Variants in CDK14 observed in about 807,000 individuals in gnomAD.
CDK14 encodes cyclin-dependent kinase 14.
Under a neutral mutation model 60.7 loss-of-function variants are expected in CDK14, and 34 were observed. The observed-to-expected ratio is 0.56, with a 90% CI of 0.43 to 0.75. The LOEUF (loss-of-function observed/expected upper bound fraction) is 0.75, where lower values mean the gene tolerates loss of function less well. Among genes scored for constraint, CDK14 ranks in the 30% least tolerant of loss-of-function variants. The pLI, the probability that CDK14 is intolerant of heterozygous loss-of-function variation, is 0.00. For missense variants in CDK14, 482 were observed against 564.1 expected (o/e 0.85, Z 1.47); for synonymous variants, 197 against 203.7 (o/e 0.97, Z 0.28).
intron 10 of CDK14, among the ~76,000 whole-genome samples, chr7:91,012,119 C>T (rs1437330119): frequency 1.3e-5 from 2 of 152,098 alleles, no homozygotes; most frequent in East Asian, 3.9e-4. Context: ...TTTGGTCTTG[C>T]TTTTAGACTT....
chr7:90,916,950 T>A (rs1793101182), intron 7 of CDK14, among the ~76,000 whole-genome samples: 1 of 152,230 alleles, frequency 6.6e-6, no homozygotes, highest in South Asian at 2.1e-4. Flanking sequence ...TTCCTTTCCC[T>A]TTAGGATGGG....
intron 8 of CDK14, among the ~76,000 whole-genome samples, chr7:90,919,381 A>G (rs1232745762): frequency 6.6e-6 from 1 of 152,142 alleles, no homozygotes; most frequent in Non-Finnish European, 1.5e-5. Context: ...TTTTCATTGT[A>G]GTAGGTAAGT....
At chr7:90,638,837 T>C (rs1301578446) in intron 2 of CDK14, among the ~76,000 whole-genome samples, 1 of 151,564 alleles carries the variant, frequency 6.6e-6, no homozygotes, top group African/African-American at 2.4e-5. Flanking sequence ...TTTCTTTTTA[T>C]TCTTTTTTCT....
At chr7:90,864,131 A>G (rs1584059950) in intron 6 of CDK14, among the ~76,000 whole-genome samples, 1 of 147,130 alleles carries the variant, frequency 6.8e-6, no homozygotes, top group South Asian at 2.1e-4. Context: ...TTTTTCCTTA[A>G]AAAAAAAAAG....
intron 1 of CDK14, 28 bp downstream of exon 1, chr7:90,596,746 C>A: frequency 3.8e-6 from 6 of 1,570,098 alleles, no homozygotes; most frequent in Non-Finnish European, 3.5e-6. Flanking sequence ...CCCGGCCCCC[C>A]CAGCGCCCGC....
chr7:90,634,091 G>T (rs1329514850), intron 2 of CDK14, among the ~76,000 whole-genome samples: 1 of 151,028 alleles, frequency 6.6e-6, no homozygotes, highest in Non-Finnish European at 1.5e-5. Context: ...TGCATAGAAA[G>T]TTTGATTAGA....
intron 5 of CDK14, among the ~76,000 whole-genome samples, chr7:90,827,827 T>A (rs1789779194): frequency 6.6e-6 from 1 of 152,240 alleles, no homozygotes; most frequent in African/African-American, 2.4e-5. Context: ...TGCCTTGATC[T>A]AACAACCAGA....
chr7:90,844,596 A>G (rs1342625014), intron 5 of CDK14, among the ~76,000 whole-genome samples: 1 of 152,188 alleles, frequency 6.6e-6, no homozygotes, highest in African/African-American at 2.4e-5. Context: ...TGGTATTTGC[A>G]TATATTTGCA....
intron 3 of CDK14, among the ~76,000 whole-genome samples, chr7:90,738,093 T>C (rs1251959759): frequency 6.6e-6 from 1 of 150,568 alleles, no homozygotes; most frequent in African/African-American, 2.4e-5. Context: ...ATATTTCCTC[T>C]ATGTGGGTGA....
intron 14 of CDK14, among the ~76,000 whole-genome samples, chr7:91,146,848 T>C (rs1030488686): frequency 3.3e-5 from 5 of 152,204 alleles, no homozygotes; most frequent in African/African-American, 1.2e-4. Context: ...TTCTACCTTC[T>C]TCCATCTGCC....
At chr7:91,167,915 AGT>A (rs1434740576) in intron 14 of CDK14, among the ~76,000 whole-genome samples, 1 of 152,214 alleles carries the variant, frequency 6.6e-6, no homozygotes, top group Non-Finnish European at 1.5e-5. Flanking sequence ...TTTAACCCAA[AGT>A]GAGATTATAA....
At chr7:90,755,065 A>G (rs996292090) in intron 4 of CDK14, among the ~76,000 whole-genome samples, 15 of 152,332 alleles carry the variant, frequency 9.8e-5, no homozygotes, top group African/African-American at 3.4e-4. Flanking sequence ...GATTTCTCAA[A>G]GAACTTAAAA....
At chr7:90,868,606 C>G (rs1047243576) in intron 6 of CDK14, among the ~76,000 whole-genome samples, 1 of 151,646 alleles carries the variant, frequency 6.6e-6, no homozygotes, top group Non-Finnish European at 1.5e-5. Context: ...TTATATAAAA[C>G]AAAAATATTG....
intron 2 of CDK14, among the ~76,000 whole-genome samples, chr7:90,607,019 G>A (rs1164367753): frequency 6.6e-6 from 1 of 152,118 alleles, no homozygotes; most frequent in East Asian, 1.9e-4. Flanking sequence ...GACAGGTAAT[G>A]TACTGACCTT....
chr7:91,140,317 T>G (rs1285386807), intron 14 of CDK14, among the ~76,000 whole-genome samples: 1 of 152,234 alleles, frequency 6.6e-6, no homozygotes. Context: ...GAGGTGCTTT[T>G]TCTGGCCTTG....
intron 14 of CDK14, among the ~76,000 whole-genome samples, chr7:91,139,169 T>G (rs1014834474): frequency 2.0e-5 from 3 of 152,174 alleles, no homozygotes; most frequent in Admixed American, 1.3e-4. Flanking sequence ...AGCAAGTATT[T>G]CTTAATCTAT....
intron 2 of CDK14, among the ~76,000 whole-genome samples, chr7:90,684,980 A>G (rs929872597): frequency 7.0e-6 from 1 of 143,520 alleles, no homozygotes. Flanking sequence ...ATATGTTTTT[A>G]TGCATAGATT....
chr7:90,633,721 T>G (rs957311723), intron 2 of CDK14, among the ~76,000 whole-genome samples: 2 of 152,298 alleles, frequency 1.3e-5, no homozygotes, highest in East Asian at 3.9e-4. Flanking sequence ...AATAAATGCC[T>G]AAAAGACATT....
intron 5 of CDK14, among the ~76,000 whole-genome samples, chr7:90,833,734 A>G (rs1221373752): frequency 6.6e-6 from 1 of 152,190 alleles, no homozygotes; most frequent in East Asian, 1.9e-4. Flanking sequence ...AAAAATGTAT[A>G]ATGTTAAATA....
Sources: allele counts gnomAD v4.1 joint callset (sites outside exome capture counted in the v4.1 genomes callset), GRCh38; gene constraint gnomAD v4.1.1; transcripts MANE v1.5; gene names NCBI Gene and HGNC (gene_info 2026-07-23, HGNC 2026-07-21).